The following RNF43 variants were observed in gnomAD, a reference collection of about 807,000 sequenced individuals.
RNF43 encodes the protein ring finger protein 43, also known as E3 ubiquitin-protein ligase RNF43.
Under a neutral mutation model 78.4 loss-of-function variants are expected in RNF43, and 37 were observed. That is an observed-to-expected ratio of 0.47 (90% CI 0.36 to 0.62). RNF43 has a LOEUF of 0.62. Ranked by LOEUF, RNF43 falls within the 20% of genes least tolerant of loss-of-function variation. The pLI is 0.00. For missense variants in RNF43, 774 were observed against 1,007.9 expected, an observed-to-expected ratio of 0.77 and a Z score of 3.14; for synonymous variants, 347 against 395.0, an observed-to-expected ratio of 0.88 and a Z score of 1.44.
At chr17:58,384,713 A>C (rs1232708201) in intron 2 of RNF43, among the ~76,000 whole-genome samples, 1 of 152,202 alleles carries the variant, frequency 6.6e-6, no homozygotes, top group Non-Finnish European at 1.5e-5. Flanking sequence ...CACAGGAAGA[A>C]GCACAGAGTA....
rs2143411513 is a variant in RNF43 at position 58,358,318 on chromosome 17, G to T, written c.1458C>A (p.Ser486Arg). ...AACTGCTGCCATGGACCCCCTGTAGGCTGATGTCCGTGCAGTTGACCACAG... is the reference window on the plus strand; with the variant it reads ...AACTGCTGCCATGGACCCCCTGTAGTCTGATGTCCGTGCAGTTGACCACAG... ...SDSVVNCTDISLQGVHGSSST... is the reference protein window; with the variant it reads ...SDSVVNCTDIRLQGVHGSSST... Residue 486 changes from serine (S) to arginine (R), a missense_variant, in exon 9 of 10, where the codon AGC (serine) becomes AGA (arginine). Ser to Arg is a moderately radical substitution (Grantham distance 110). Coordinates refer to ENST00000407977, the MANE Select transcript of RNF43 (RefSeq NM_017763.6). This position sits in a 1 kb window ranked among gnomAD's most constrained non-coding sequence, Gnocchi z 6.2. 6.2e-7 allele frequency: 1 copy of T among 1,614,178 alleles called. No homozygotes were observed. Among genetic ancestry groups the T allele is most frequent in the Non-Finnish European group, 8.5e-7 (1 of 1,180,026 alleles).
intron 2 of RNF43, among the ~76,000 whole-genome samples, chr17:58,413,332 TGTA>T (rs1197617426): frequency 6.6e-6 from 1 of 152,126 alleles, no homozygotes; most frequent in East Asian, 1.9e-4. Context: ...TAATAACTGT[TGTA>T]GATTAAAAAT....
intron 2 of RNF43, among the ~76,000 whole-genome samples, chr17:58,384,325 T>C (rs1426716630): frequency 1.3e-5 from 2 of 152,038 alleles, no homozygotes; most frequent in East Asian, 3.9e-4. Context: ...GGGAAGTACT[T>C]AGAGAGTTAG....
intron 2 of RNF43, among the ~76,000 whole-genome samples, chr17:58,388,929 C>G (rs1468463345): frequency 6.6e-6 from 1 of 152,156 alleles, no homozygotes; most frequent in Non-Finnish European, 1.5e-5. Context: ...AATAGATCTG[C>G]AAAGATAGCT....
At chr17:58,395,650 A>G (rs1973664576) in intron 2 of RNF43, among the ~76,000 whole-genome samples, 1 of 152,236 alleles carries the variant, frequency 6.6e-6, no homozygotes, top group African/African-American at 2.4e-5. Context: ...AATAAAAAAG[A>G]GCAGACTTGT....
chr17:58,378,129 G>A (rs1439674929), intron 2 of RNF43, among the ~76,000 whole-genome samples: 2 of 152,114 alleles, frequency 1.3e-5, no homozygotes, highest in African/African-American at 4.8e-5. Context: ...CTTAGATTTG[G>A]GAACCTCAAG....
At chr17:58,400,071 A>T (rs1255534104) in intron 2 of RNF43, among the ~76,000 whole-genome samples, 1 of 152,198 alleles carries the variant, frequency 6.6e-6, no homozygotes, top group Non-Finnish European at 1.5e-5. Context: ...TGTGTCAGTG[A>T]TCACCTCATT....
In RNF43 at chr17:58,360,417, GA is replaced by G. The variant is rs1240085253; in HGVS notation, c.850-167del. On this transcript the variant is annotated intron_variant, in intron 7 of 9. Transcript: ENST00000407977. This position sits in a 1 kb window ranked among gnomAD's most constrained non-coding sequence, Gnocchi z 4.3. ...TGAGCTTTGGCATCACATAGACCTG[GA>G]TTTTGCACTTAGCTGCATGACGTTG... Among the ~76,000 whole-genome samples, 3 of 152,180 alleles carry G rather than the reference GA, an allele frequency of 2.0e-5. No individual in the cohort carries two copies. Among genetic ancestry groups the G allele is most frequent in the Non-Finnish European group, 4.4e-5 (3 of 68,042 alleles).
rs1438760308 is a variant in RNF43 at position 58,358,031 on chromosome 17, A to G, written c.1745T>C (p.Ile582Thr). Residue 582 changes from isoleucine (I) to threonine (T), a missense_variant, in exon 9 of 10, where the codon ATT (isoleucine) becomes ACT (threonine). Coordinates refer to ENST00000407977, the MANE Select transcript of RNF43 (RefSeq NM_017763.6). This position sits in a 1 kb window ranked among gnomAD's most constrained non-coding sequence, Gnocchi z 6.2. ...CTCTGGCTGGGGCTGTGTCCGAGGA[A>G]TAGGAGGCCTGGACTGGGGGACTCC... is the stretch of plus-strand genomic sequence containing the variant. ...ETGVPQSRPP[I>T]PRTQPQPEPP... is the part of the protein sequence containing the mutation. The G allele has an allele frequency of 1.9e-6, 3 of 1,590,710 alleles. No individual in the cohort carries two copies. The highest frequency in any genetic ancestry group is 2.3e-5 in the South Asian group (2 of 87,434).
At chr17:58,400,216 C>A (rs1184110375) in intron 2 of RNF43, among the ~76,000 whole-genome samples, 1 of 152,170 alleles carries the variant, frequency 6.6e-6, no homozygotes, top group African/African-American at 2.4e-5. Context: ...TACTATTAGT[C>A]ATTCTTTAAA....
At chr17:58,390,196 G>T (rs954070523) in intron 2 of RNF43, among the ~76,000 whole-genome samples, 2 of 152,108 alleles carry the variant, frequency 1.3e-5, no homozygotes, top group African/African-American at 4.8e-5. Flanking sequence ...GAATGAAATG[G>T]TGCCCCGAAA....
intron 2 of RNF43, among the ~76,000 whole-genome samples, chr17:58,393,949 G>A (rs541687917): frequency 2.8e-4 from 42 of 152,256 alleles, no homozygotes; most frequent in African/African-American, 9.4e-4. Flanking sequence ...CCAGCTACTC[G>A]GGAGACTGAG....
chr17:58,403,894 T>G (rs565223266), intron 2 of RNF43, among the ~76,000 whole-genome samples: 1 of 152,340 alleles, frequency 6.6e-6, no homozygotes, highest in African/African-American at 2.4e-5. Flanking sequence ...CCAGACTGGT[T>G]CTAGGTTGTC....
At chr17:58,396,751 G>GA (rs1973690265) in intron 2 of RNF43, among the ~76,000 whole-genome samples, 2 of 152,126 alleles carry the variant, frequency 1.3e-5, no homozygotes, top group Admixed American at 1.3e-4. Context: ...ATACAATATG[G>GA]AATATGTATA....
downstream of RNF43, chr17:58,352,832 G>C (rs1225291674): frequency 4.6e-6 from 1 of 218,952 alleles, no homozygotes; most frequent in Non-Finnish European, 9.2e-6. Context: ...GCTTAGACAC[G>C]GTTCCTTTAC....
chr17:58,405,433 A>G (rs139148621), intron 2 of RNF43, among the ~76,000 whole-genome samples: 2 of 152,118 alleles, frequency 1.3e-5, no homozygotes, highest in East Asian at 1.9e-4. Flanking sequence ...TTAAAATTTA[A>G]TATTTTTTCA....
At chr17:58,379,133 G>A (rs1205020809) in intron 2 of RNF43, among the ~76,000 whole-genome samples, 1 of 152,108 alleles carries the variant, frequency 6.6e-6, no homozygotes, top group East Asian at 1.9e-4. Flanking sequence ...CACTGCCTCC[G>A]GGTATGCACG....
At chr17:58,352,584 G>C (rs1224537861), downstream of RNF43, 1 of 216,094 alleles carries the variant, frequency 4.6e-6, no homozygotes, top group Non-Finnish European at 9.3e-6. Flanking sequence ...CGTTTTAGAA[G>C]CATTGGGGGC....
At chr17:58,363,030 A>G in intron 5 of RNF43, 1 of 556,518 alleles carries the variant, frequency 1.8e-6, no homozygotes, top group Non-Finnish European at 3.2e-6. Flanking sequence ...CTGCTATTCC[A>G]TGCCATGAAG....
Sources: allele counts gnomAD v4.1 joint callset (sites outside exome capture counted in the v4.1 genomes callset), GRCh38; gene constraint gnomAD v4.1.1; non-coding constraint Gnocchi (gnomAD v3.1); transcripts MANE v1.5; gene names NCBI Gene and HGNC (gene_info 2026-07-23, HGNC 2026-07-21).